Variants in KIF11 observed in about 807,000 individuals in gnomAD.
KIF11 encodes kinesin family member 11.
In KIF11, 9 loss-of-function variants were observed where a neutral mutation model predicts 121.0. That is an observed-to-expected ratio of 0.07 (90% CI 0.04 to 0.13). The LOEUF (loss-of-function observed/expected upper bound fraction) is 0.13. KIF11 is among the 10% of genes least tolerant of loss of function. KIF11 has a pLI of 1.00. For missense variants in KIF11, 846 were observed against 1,217.5 expected, an observed-to-expected ratio of 0.69 and a Z score of 4.54; for synonymous variants, 408 against 421.0, an observed-to-expected ratio of 0.97 and a Z score of 0.38.
intron 1 of KIF11, among the ~76,000 whole-genome samples, chr10:92,605,778 G>A (rs1168299347): frequency 2.0e-5 from 3 of 151,812 alleles, no homozygotes; most frequent in African/African-American, 4.8e-5. Flanking sequence ...GAGCCACTGC[G>A]CCCAGCCTTG....
At chr10:92,640,285 T>A (rs1844850662) in intron 17 of KIF11, among the ~76,000 whole-genome samples, 1 of 151,798 alleles carries the variant, frequency 6.6e-6, no homozygotes. Context: ...CATTGGACAC[T>A]GTTTACATGT....
At chr10:92,650,306 T>A in intron 20 of KIF11, 95 bp from the exon 21 acceptor site, 2 of 724,994 alleles carry the variant, frequency 2.8e-6, no homozygotes, top group South Asian at 3.3e-5. Context: ...TTTTATATTA[T>A]ACCATGGGCA....
chr10:92,647,465 A>G (rs893020155), intron 18 of KIF11, among the ~76,000 whole-genome samples: 1 of 152,222 alleles, frequency 6.6e-6, no homozygotes, highest in African/African-American at 2.4e-5. Flanking sequence ...CTTAAGACCT[A>G]TGAACCAAAT....
intron 8 of KIF11, among the ~76,000 whole-genome samples, chr10:92,615,241 T>C (rs1844541341): frequency 6.6e-6 from 1 of 151,952 alleles, no homozygotes; most frequent in South Asian, 2.1e-4. Context: ...CCATCTCTAC[T>C]AAAAAATACA....
chr10:92,601,624 A>C (rs67968613), intron 1 of KIF11, among the ~76,000 whole-genome samples: 1 of 52,410 alleles, frequency 1.9e-5, no homozygotes, highest in Non-Finnish European at 4.5e-5. Context: ...TTTATTTGTT[A>C]GTTTGTTTGA....
At position 92,649,908 on chromosome 10, in the gene KIF11, T is replaced by A. The variant is rs1397697333; in HGVS notation, c.2844T>A (p.Leu948=). Residue 948 remains leucine, a synonymous_variant, in exon 20 of 22, where the codon CTT becomes CTA. Coordinates refer to ENST00000260731, the MANE Select transcript of KIF11 (RefSeq NM_004523.4). The part of the protein sequence containing the change: ...LVRTEPREHL[L]DQLKRKQPEL... Reference sequence around the variant, plus strand: ...GAACTGAACCACGTGAACATCTCCTTGATCAGCTGAAAAGGAAACAGCCTG... The same window carrying A: ...GAACTGAACCACGTGAACATCTCCTAGATCAGCTGAAAAGGAAACAGCCTG... 6.2e-7 allele frequency: 1 copy of A among 1,613,348 alleles called. No homozygotes were observed. The highest frequency in any genetic ancestry group is 8.5e-7 in the Non-Finnish European group (1 of 1,179,358).
intron 1 of KIF11, among the ~76,000 whole-genome samples, chr10:92,602,823 CACGTGT>C (rs1285075275): frequency 1.5e-3 from 177 of 121,140 alleles, no homozygotes; most frequent in Non-Finnish European, 2.2e-3. Flanking sequence ...CACACACACA[CACGTGT>C]GTGTGTGTGT....
At chr10:92,598,474 C>G (rs1844327880) in intron 1 of KIF11, among the ~76,000 whole-genome samples, 1 of 152,114 alleles carries the variant, frequency 6.6e-6, no homozygotes, top group South Asian at 2.1e-4. Context: ...ATGTCAGTAC[C>G]ACATGGTTTT....
Position 92,650,590 on chromosome 10 carries a change from T to C in KIF11, c.3039+73T>C, listed in dbSNP as rs918197943. On this transcript the variant is annotated intron_variant, in intron 21 of 21. Coordinates refer to ENST00000260731, the MANE Select transcript of KIF11 (RefSeq NM_004523.4). ...TTACTATTCATTATAAAGGTATTGT[T>C]CGTGGTGAGCAGAACAACAAAAACC... 60 of 877,798 alleles carry C rather than the reference T, an allele frequency of 6.8e-5. 1 individual carries two copies. The South Asian group carries it at 8.2e-4, about 12-fold the overall frequency. 54.4% of individuals were successfully genotyped at this position (877,798 alleles called of 1,614,324 possible). A position where few individuals can be genotyped will look rare whatever the true frequency, so the allele number is the denominator to read the frequency against.
intron 17 of KIF11, among the ~76,000 whole-genome samples, chr10:92,644,915 C>T (rs1844903264): frequency 6.6e-6 from 1 of 152,060 alleles, no homozygotes; most frequent in African/African-American, 2.4e-5. Flanking sequence ...TATTAGAAAG[C>T]TTTATAGCTA....
chr10:92,650,313 G>T, intron 20 of KIF11, 88 bp from the exon 21 acceptor site: 2 of 738,224 alleles, frequency 2.7e-6, no homozygotes, highest in Non-Finnish European at 4.8e-6. Flanking sequence ...TTATACCATG[G>T]GCATTGTGTT....
intron 21 of KIF11, 34 bp from the exon 22 acceptor site, chr10:92,653,631 G>A (rs1230211481): frequency 6.3e-7 from 1 of 1,591,018 alleles, no homozygotes; most frequent in East Asian, 2.2e-5. Flanking sequence ...ATGTTACTTT[G>A]TATTGACTTA....
At chr10:92,638,698 T>A (rs1225205522) in intron 16 of KIF11, among the ~76,000 whole-genome samples, 1 of 152,232 alleles carries the variant, frequency 6.6e-6, no homozygotes, top group East Asian at 1.9e-4. Context: ...ACTACTAAAA[T>A]AATTATGTAA....
At chr10:92,602,856 GGTTT>G (rs1844388237) in intron 1 of KIF11, among the ~76,000 whole-genome samples, 2 of 146,074 alleles carry the variant, frequency 1.4e-5, no homozygotes, top group African/African-American at 5.1e-5. Context: ...GTGTGTGTGT[GGTTT>G]TTTGTTTGTT....
intron 1 of KIF11, among the ~76,000 whole-genome samples, chr10:92,595,703 ACT>A (rs1844286688): frequency 6.6e-6 from 1 of 152,024 alleles, no homozygotes; most frequent in South Asian, 2.1e-4. Context: ...AAAAACTGAA[ACT>A]CTATACACAT....
intron 21 of KIF11, among the ~76,000 whole-genome samples, chr10:92,651,517 T>A (rs1564719296): frequency 0.019 from 1,144 of 59,204 alleles, 70 homozygotes; most frequent in Non-Finnish European, 0.026. Flanking sequence ...GTTTTTTTTT[T>A]TTTTTTTTTT....
chr10:92,604,482 T>C (rs1844408582), intron 1 of KIF11, among the ~76,000 whole-genome samples: 2 of 152,194 alleles, frequency 1.3e-5, no homozygotes, highest in Non-Finnish European at 1.5e-5. Context: ...TGTTGAAGTT[T>C]TAATAATACT....
chr10:92,631,612 C>T (rs1844739896), intron 12 of KIF11, among the ~76,000 whole-genome samples: 3 of 151,526 alleles, frequency 2.0e-5, no homozygotes, highest in South Asian at 2.1e-4. Flanking sequence ...CCACCCACCT[C>T]GGCCTCCCAA....
chr10:92,632,371 T>C (rs1228678608), intron 12 of KIF11, 115 bp from the exon 13 acceptor site: 2 of 700,212 alleles, frequency 2.9e-6, no homozygotes, highest in Non-Finnish European at 4.8e-6. Flanking sequence ...TTTCACCATG[T>C]TGGCCAGGCT....
Sources: gnomAD v4.1 joint callset for allele counts (sites outside exome capture counted in the v4.1 genomes callset) on GRCh38, gnomAD v4.1.1 for gene constraint, MANE v1.5 for transcripts, NCBI Gene and HGNC (gene_info 2026-07-23, HGNC 2026-07-21) for gene names.